The following R3HDM2 variants were observed in gnomAD, a reference collection of about 807,000 sequenced individuals.
R3HDM2 encodes R3H domain containing 2, also known as R3H domain-containing protein 2.
Under a neutral mutation model 124.5 loss-of-function variants are expected in R3HDM2, and 38 were observed. The observed-to-expected ratio is 0.31, with a 90% CI of 0.24 to 0.40. The LOEUF is 0.40. Ranked by LOEUF, R3HDM2 falls within the 10% of genes least tolerant of loss-of-function variation. R3HDM2 has a pLI of 1.00. For synonymous variants in R3HDM2, 391 were observed against 448.0 expected (o/e 0.87, Z 1.61); for missense variants, 869 against 1,236.9 (o/e 0.70, Z 4.46).
At chr12:57,329,124 C>G (rs970552573) in intron 2 of R3HDM2, among the ~76,000 whole-genome samples, 8 of 151,944 alleles carry the variant, frequency 5.3e-5, no homozygotes, top group African/African-American at 1.9e-4. Flanking sequence ...CATCCTGGAG[C>G]TGATTGGGAG....
chr12:57,332,344 G>A (rs1285883419), intron 2 of R3HDM2, among the ~76,000 whole-genome samples: 1 of 140,954 alleles, frequency 7.1e-6, no homozygotes, highest in Non-Finnish European at 1.5e-5. Context: ...GAGCCTGGGA[G>A]GTCAAGGCTA....
At chr12:57,346,283 C>T (rs1283208186) in intron 2 of R3HDM2, among the ~76,000 whole-genome samples, 2 of 151,842 alleles carry the variant, frequency 1.3e-5, no homozygotes, top group African/African-American at 4.8e-5. Flanking sequence ...GTGGTGAAAC[C>T]TCGTCTCTAC....
At chr12:57,261,757 CAAAAAAAA>C (rs35440132) in intron 19 of R3HDM2, among the ~76,000 whole-genome samples, 1 of 82,020 alleles carries the variant, frequency 1.2e-5, no homozygotes, top group African/African-American at 4.5e-5. Flanking sequence ...ATAGACGTGG[CAAAAAAAA>C]AAAAAAAAAA....
intron 14 of R3HDM2, among the ~76,000 whole-genome samples, chr12:57,276,802 G>A (rs762277720): frequency 3.9e-5 from 6 of 151,914 alleles, no homozygotes; most frequent in African/African-American, 1.4e-4. Flanking sequence ...CAGGAGAACC[G>A]CTTGAACCCA....
intron 14 of R3HDM2, among the ~76,000 whole-genome samples, chr12:57,276,502 T>C (rs1019694554): frequency 6.6e-6 from 1 of 152,202 alleles, no homozygotes; most frequent in Non-Finnish European, 1.5e-5. Flanking sequence ...GAGACTATTA[T>C]TCTAAGTGAA....
chr12:57,278,086 C>T (rs929348261), intron 14 of R3HDM2, among the ~76,000 whole-genome samples: 33 of 152,230 alleles, frequency 2.2e-4, no homozygotes, highest in African/African-American at 7.7e-4. Context: ...GCATCAAAAC[C>T]TGGATAAATT....
chr12:57,414,002 T>C (rs981457226), intron 1 of R3HDM2, among the ~76,000 whole-genome samples: 4 of 150,176 alleles, frequency 2.7e-5, no homozygotes, highest in African/African-American at 9.8e-5. Flanking sequence ...CACACCACCA[T>C]ACCCAGCTAA....
chr12:57,355,638 ACTTTAAT>A (rs1291406337), intron 2 of R3HDM2, among the ~76,000 whole-genome samples: 1 of 152,170 alleles, frequency 6.6e-6, no homozygotes, highest in Non-Finnish European at 1.5e-5. Context: ...AAGTCTTCCA[ACTTTAAT>A]CTTCATTTTC....
rs1186215164 is a variant in R3HDM2, at chr12:57,272,423, C to T, written c.1345-2429G>A. 4 of 1,521,398 alleles carry T rather than the reference C, an allele frequency of 2.6e-6. No individual in the cohort carries two copies. The East Asian group carries it at 7.4e-5, about 28-fold the overall frequency. 94.2% of individuals were successfully genotyped at this position (1,521,398 alleles called of 1,614,324 possible). On this transcript the variant is annotated intron_variant, in intron 14 of 23. Coordinates refer to ENST00000402412, the MANE Select transcript of R3HDM2 (RefSeq NM_001394031.1). ...CCTACAGATACAGGCCACACATGAA[C>T]AAGACAAAAAGGGGGAATGGAGTTT...
At chr12:57,303,043 A>C in intron 4 of R3HDM2, 133 bp downstream of exon 4, 1 of 789,178 alleles carries the variant, frequency 1.3e-6, no homozygotes, top group Non-Finnish European at 2.1e-6. Context: ...ACGCAGGTTC[A>C]CAATTGGGGT....
At chr12:57,350,934 AT>A (rs1400836168) in intron 2 of R3HDM2, among the ~76,000 whole-genome samples, 3 of 152,160 alleles carry the variant, frequency 2.0e-5, no homozygotes. Flanking sequence ...CCCCATCTCT[AT>A]TAAAAATACA....
intron 11 of R3HDM2, among the ~76,000 whole-genome samples, chr12:57,291,656 AAAAAAAAAAC>A (rs1224898538): frequency 7.3e-5 from 11 of 151,572 alleles, no homozygotes; most frequent in Admixed American, 3.3e-4. Context: ...CCTATCTAAA[AAAAAAAAAAC>A]AAAAAAAAAC....
At chr12:57,276,806 G>T (rs894182586) in intron 14 of R3HDM2, among the ~76,000 whole-genome samples, 5 of 151,984 alleles carry the variant, frequency 3.3e-5, no homozygotes, top group Admixed American at 6.6e-5. Context: ...AGAACCGCTT[G>T]AACCCAGGAG....
chr12:57,421,160 T>TC (rs1491481865), intron 1 of R3HDM2, among the ~76,000 whole-genome samples: 1 of 130,180 alleles, frequency 7.7e-6, no homozygotes, highest in Non-Finnish European at 1.7e-5. Flanking sequence ...TCTAACAGAT[T>TC]CTTTTTTTTT....
chr12:57,381,153 C>T (rs2064813437), intron 2 of R3HDM2, among the ~76,000 whole-genome samples: 1 of 152,046 alleles, frequency 6.6e-6, no homozygotes, highest in South Asian at 2.1e-4. Flanking sequence ...ATCACTTGAA[C>T]CCGGGAGGCA....
At chr12:57,413,360 G>A (rs2069185875) in intron 1 of R3HDM2, among the ~76,000 whole-genome samples, 1 of 150,776 alleles carries the variant, frequency 6.6e-6, no homozygotes. Flanking sequence ...TTGGGATGCT[G>A]AGGTGGGAGA....
At chr12:57,429,943 A>G (rs764320658) in intron 1 of R3HDM2, among the ~76,000 whole-genome samples, 19 of 152,208 alleles carry the variant, frequency 1.2e-4, no homozygotes, top group Non-Finnish European at 2.1e-4. Flanking sequence ...TGGCTTACGC[A>G]TATCAGACAG....
chr12:57,390,592 G>A (rs1336168829), intron 2 of R3HDM2, among the ~76,000 whole-genome samples: 1 of 152,178 alleles, frequency 6.6e-6, no homozygotes, highest in Non-Finnish European at 1.5e-5. Flanking sequence ...AGCACTTTGG[G>A]AGGCTGAGGC....
At chr12:57,265,596 C>A (rs1453541121) in intron 19 of R3HDM2, among the ~76,000 whole-genome samples, 1 of 152,046 alleles carries the variant, frequency 6.6e-6, no homozygotes, top group South Asian at 2.1e-4. Flanking sequence ...AGAGACATAG[C>A]TTTTCAGGGC....
Sources: allele counts gnomAD v4.1 joint callset (sites outside exome capture counted in the v4.1 genomes callset), GRCh38; gene constraint gnomAD v4.1.1; transcripts MANE v1.5; gene names NCBI Gene and HGNC (gene_info 2026-07-23, HGNC 2026-07-21).